Variants in PIK3C2G observed in about 807,000 individuals in gnomAD.
The protein encoded by PIK3C2G is phosphatidylinositol-4-phosphate 3-kinase catalytic subunit type 2 gamma.
A neutral mutation model predicts 181.1 loss-of-function variants in PIK3C2G; 168 were observed. That is an observed-to-expected ratio of 0.93 (90% confidence interval 0.82 to 1.05). The LOEUF is 1.05. Among genes scored for constraint, PIK3C2G ranks in the 50% least tolerant of loss-of-function variants. The probability of loss-of-function intolerance (pLI) is 0.00; values close to 1 mark genes in which losing one functional copy is unlikely to be tolerated. For missense variants in PIK3C2G, 1,869 were observed against 1,732.8 expected, an observed-to-expected ratio of 1.08 and a Z score of -1.40; for synonymous variants, 573 against 592.2, an observed-to-expected ratio of 0.97 and a Z score of 0.47.
At chr12:18,641,552 C>T (rs1949838204) in intron 32 of PIK3C2G, among the ~76,000 whole-genome samples, 1 of 152,172 alleles carries the variant, frequency 6.6e-6, no homozygotes, top group African/African-American at 2.4e-5. Context: ...TCTACCACCT[C>T]TCTCATTTTC....
intron 10 of PIK3C2G, 22 bp downstream of exon 10, chr12:18,343,382 G>T: frequency 3.3e-6 from 4 of 1,223,860 alleles, no homozygotes; most frequent in Non-Finnish European, 3.4e-6. Flanking sequence ...ATGTACTCAA[G>T]TATTTTGAAA....
Position 18,282,654 on chromosome 12 carries a change from G to A in PIK3C2G, c.573G>A (p.Glu191=), listed in dbSNP as rs774039288. 8 of 1,613,498 alleles carry A rather than the reference G, an allele frequency of 5.0e-6. No individual in the cohort carries two copies. Among genetic ancestry groups the A allele is most frequent in the Non-Finnish European group, 6.8e-6 (8 of 1,179,484 alleles). Residue 191 remains glutamate, a synonymous_variant, in exon 2 of 33, where the codon GAG becomes GAA. Coordinates refer to ENST00000538779, the MANE Select transcript of PIK3C2G (RefSeq NM_001288772.2). The stretch of plus-strand genomic sequence containing the variant: ...CAAGTGACTTCATGCCGAAAGAAGA[G>A]AATAAAAGGAGTGGACATGTGAACA... ...SFSSDFMPKE[E]NKRSGHVNIV...
At chr12:18,434,983 T>C (rs1026275215) in intron 18 of PIK3C2G, among the ~76,000 whole-genome samples, 11 of 150,302 alleles carry the variant, frequency 7.3e-5, no homozygotes, top group East Asian at 1.9e-4. Context: ...GTACATTTTG[T>C]AACCAGGTTT....
intron 29 of PIK3C2G, among the ~76,000 whole-genome samples, chr12:18,581,196 G>T (rs556054293): frequency 1.5e-4 from 23 of 152,252 alleles, no homozygotes; most frequent in African/African-American, 5.3e-4. Flanking sequence ...AACTGATGAA[G>T]ATTTTAATTT....
intron 31 of PIK3C2G, among the ~76,000 whole-genome samples, chr12:18,632,655 G>T (rs756568440): frequency 2.9e-5 from 4 of 138,122 alleles, no homozygotes; most frequent in African/African-American, 5.4e-5. Flanking sequence ...TCCAGTCAAA[G>T]TCTGAAGGCC....
chr12:18,468,745 A>G (rs1565756178), intron 18 of PIK3C2G, among the ~76,000 whole-genome samples: 1 of 152,088 alleles, frequency 6.6e-6, no homozygotes. Context: ...TGGTTGCTCA[A>G]GGAATGAATT....
At chr12:18,330,464 G>A (rs1338312763) in intron 8 of PIK3C2G, among the ~76,000 whole-genome samples, 1 of 152,098 alleles carries the variant, frequency 6.6e-6, no homozygotes, top group Non-Finnish European at 1.5e-5. Context: ...GTTATTGTCA[G>A]TGTTTTAATT....
chr12:18,565,740 A>G (rs961480839), intron 28 of PIK3C2G, among the ~76,000 whole-genome samples: 1 of 152,204 alleles, frequency 6.6e-6, no homozygotes, highest in African/African-American at 2.4e-5. Context: ...ACTCATTTAT[A>G]CATAAGATGT....
the PIK3C2G span, among the ~76,000 whole-genome samples, chr12:18,664,230 T>C: frequency 1.3e-5 from 2 of 152,198 alleles, no homozygotes; most frequent in Non-Finnish European, 1.5e-5. Context: ...CTCAAAAACT[T>C]AAACATAGAT....
chr12:18,290,851 T>G lies in PIK3C2G; in HGVS notation c.762-4T>G, dbSNP rs1432909801. Reference sequence around the variant, plus strand: ...AAGTATTTTTCTTAACATATGTTTTTCAGAATCAGAGAAAGATATCATGCA... The same window carrying G: ...AAGTATTTTTCTTAACATATGTTTTGCAGAATCAGAGAAAGATATCATGCA... On this transcript the variant is annotated splice_polypyrimidine_tract_variant and splice_region_variant and intron_variant, in intron 3 of 32. Coordinates refer to ENST00000538779, the MANE Select transcript of PIK3C2G (RefSeq NM_001288772.2). 6.3e-7 allele frequency: 1 copy of G among 1,584,636 alleles called. No homozygotes were observed. Among genetic ancestry groups the G allele is most frequent in the African/African-American group, 1.3e-5 (1 of 74,418 alleles).
chr12:18,723,564 G>T, the PIK3C2G span: 1 of 1,563,804 alleles, frequency 6.4e-7, no homozygotes, highest in Non-Finnish European at 8.8e-7. Context: ...ATGACTGGTG[G>T]GCTCACATTG....
intron 24 of PIK3C2G, among the ~76,000 whole-genome samples, chr12:18,515,934 A>AT (rs1266509163): frequency 6.6e-6 from 1 of 151,950 alleles, no homozygotes; most frequent in Admixed American, 6.6e-5. Context: ...GCCTCAAGGA[A>AT]TTTTTTTAAA....
At chr12:18,695,739 G>A in the PIK3C2G span, among the ~76,000 whole-genome samples, 1 of 151,848 alleles carries the variant, frequency 6.6e-6, no homozygotes, top group African/African-American at 2.4e-5. Context: ...AACCAAGTTA[G>A]GCAATCTTAT....
chr12:18,503,950 T>C (rs970803712), intron 23 of PIK3C2G, among the ~76,000 whole-genome samples: 2 of 152,210 alleles, frequency 1.3e-5, no homozygotes, highest in African/African-American at 4.8e-5. Context: ...TTCTGCCCTG[T>C]ATTAGGGATC....
intron 18 of PIK3C2G, among the ~76,000 whole-genome samples, chr12:18,428,988 A>C (rs1279331974): frequency 1.3e-5 from 2 of 152,188 alleles, no homozygotes; most frequent in Non-Finnish European, 2.9e-5. Context: ...TGGTGGCCCC[A>C]AAGAAGATAT....
chr12:18,461,838 A>G (rs1431066185), intron 18 of PIK3C2G, among the ~76,000 whole-genome samples: 1 of 152,146 alleles, frequency 6.6e-6, no homozygotes, highest in Non-Finnish European at 1.5e-5. Flanking sequence ...TTTATAAGCT[A>G]CCCAGTGCAT....
the PIK3C2G span, among the ~76,000 whole-genome samples, chr12:18,673,792 G>A: frequency 6.6e-6 from 1 of 152,168 alleles, no homozygotes; most frequent in Non-Finnish European, 1.5e-5. Flanking sequence ...GAAGCATTCA[G>A]CTCCTCACAA....
chr12:18,491,345 C>T, intron 19 of PIK3C2G, 106 bp from the exon 20 acceptor site: 1 of 642,178 alleles, frequency 1.6e-6, no homozygotes, highest in Middle Eastern at 4.0e-4. Flanking sequence ...AAGTGTGTAA[C>T]CCTGAATTCA....
chr12:18,696,677 G>A, the PIK3C2G span, among the ~76,000 whole-genome samples: 1 of 151,924 alleles, frequency 6.6e-6, no homozygotes, highest in East Asian at 1.9e-4. Context: ...TTCACAGTAG[G>A]GCAGAATCAT....
Sources: allele counts gnomAD v4.1 joint callset (sites outside exome capture counted in the v4.1 genomes callset), GRCh38; gene constraint gnomAD v4.1.1; transcripts MANE v1.5; gene names NCBI Gene and HGNC (gene_info 2026-07-23, HGNC 2026-07-21).